ZFP2: variants seen among roughly 807,000 people sequenced by gnomAD.
The protein encoded by ZFP2 is zinc finger protein ZFP2.
ZFP2 carries 33 observed loss-of-function variants against 36.1 expected under a neutral mutation model. That is an observed-to-expected ratio of 0.92 (90% CI 0.69 to 1.22). The LOEUF (loss-of-function observed/expected upper bound fraction) is 1.22, where lower values mean the gene tolerates loss of function less well. ZFP2 is among the 50% of genes most tolerant of loss of function. The pLI is 0.00. For synonymous variants in ZFP2, 170 were observed against 178.0 expected (o/e 0.96, Z 0.36); for missense variants, 522 against 551.4 (o/e 0.95, Z 0.53).
intron 1 of ZFP2, among the ~76,000 whole-genome samples, chr5:178,900,897 T>C (rs188641567): frequency 7.2e-5 from 11 of 152,350 alleles, no homozygotes; most frequent in Admixed American, 7.2e-4. Flanking sequence ...CCTACAGTAT[T>C]GCCCTTTGTA....
intron 1 of ZFP2, 138 bp downstream of exon 1, chr5:178,896,112 T>G (rs889063155): frequency 6.6e-6 from 1 of 152,102 alleles, no homozygotes. Context: ...GGGCCGGGGG[T>G]GCGGCCTCAC....
At chr5:178,927,969 G>T (rs1385299866) in intron 4 of ZFP2, among the ~76,000 whole-genome samples, 1 of 151,736 alleles carries the variant, frequency 6.6e-6, no homozygotes, top group African/African-American at 2.4e-5. Flanking sequence ...CAAAAGGGGA[G>T]CAGGCATATC....
At chr5:178,927,567 G>C (rs1758704531) in intron 4 of ZFP2, among the ~76,000 whole-genome samples, 1 of 150,632 alleles carries the variant, frequency 6.6e-6, no homozygotes, top group Non-Finnish European at 1.5e-5. Context: ...CACAATCTCA[G>C]CTCACTGCAA....
At chr5:178,922,225 CAGTCT>C (rs1481164984) in intron 4 of ZFP2, 1 of 1,074,546 alleles carries the variant, frequency 9.3e-7, no homozygotes. Context: ...TAACTGCTGT[CAGTCT>C]AGTACTATAT....
At chr5:178,911,366 C>G (rs1758294831) in intron 1 of ZFP2, among the ~76,000 whole-genome samples, 4 of 152,068 alleles carry the variant, frequency 2.6e-5, no homozygotes, top group Admixed American at 1.3e-4. Context: ...CTACACAGGC[C>G]CACTTTGATG....
intron 3 of ZFP2, chr5:178,914,126 G>C (rs1028320307): frequency 6.6e-6 from 1 of 152,134 alleles, no homozygotes; most frequent in African/African-American, 2.4e-5. Context: ...AAAGTGCTGA[G>C]ATTACAGGCG....
intron 1 of ZFP2, chr5:178,909,905 G>T: frequency 6.6e-7 from 1 of 1,525,822 alleles, no homozygotes; most frequent in Non-Finnish European, 9.0e-7. Context: ...AAGAGTCCCG[G>T]GAGATGCCCT....
At position 178,931,697 on chromosome 5, in the gene ZFP2, AC is replaced by A; in HGVS notation, c.387del (p.Tyr130IlefsTer42). On this transcript the variant is annotated frameshift_variant, in exon 5 of 5. Transcript: ENST00000361362. LOFTEE classifies it high-confidence loss of function. ...KHQRIHTGEK[P>X]YKCNVCGKHF... ...ACCAGAGGATTCATACTGGGGAGAA[AC>A]CCTATAAGTGTAATGTATGTGGGAA... The A allele has an allele frequency of 6.2e-7, 1 of 1,614,146 alleles. No homozygotes were observed. The highest frequency in any genetic ancestry group is 8.5e-7 in the Non-Finnish European group (1 of 1,180,016).
At chr5:178,903,264 T>C (rs1255789875) in intron 1 of ZFP2, among the ~76,000 whole-genome samples, 1 of 152,250 alleles carries the variant, frequency 6.6e-6, no homozygotes, top group African/African-American at 2.4e-5. Context: ...CTTTCCCATA[T>C]TGGCCAGTGA....
At chr5:178,925,741 T>G (rs1758656222) in intron 4 of ZFP2, among the ~76,000 whole-genome samples, 1 of 149,736 alleles carries the variant, frequency 6.7e-6, no homozygotes, top group Admixed American at 6.7e-5. Context: ...TCTAGTGGGC[T>G]TGGTGTTTCA....
intron 4 of ZFP2, 113 bp from the exon 5 acceptor site, chr5:178,931,124 C>G: frequency 1.7e-6 from 2 of 1,204,958 alleles, no homozygotes; most frequent in Non-Finnish European, 2.2e-6. Flanking sequence ...CTCAAATGTG[C>G]TCAGCAGTTA....
At chr5:178,905,248 C>G (rs1758146518) in intron 1 of ZFP2, among the ~76,000 whole-genome samples, 1 of 152,150 alleles carries the variant, frequency 6.6e-6, no homozygotes, top group Non-Finnish European at 1.5e-5. Flanking sequence ...CTATTCAGAT[C>G]TTTCATTATG....
intron 1 of ZFP2, among the ~76,000 whole-genome samples, chr5:178,905,418 A>G (rs1758148881): frequency 6.6e-6 from 1 of 152,188 alleles, no homozygotes. Context: ...ATCTGAAGAC[A>G]CTTTGCTGCT....
chr5:178,917,186 AG>A (rs1478013084), intron 4 of ZFP2, among the ~76,000 whole-genome samples: 1 of 152,268 alleles, frequency 6.6e-6, no homozygotes, highest in Admixed American at 6.5e-5. Context: ...ATAAAAATTA[AG>A]AACATGAATA....
chr5:178,926,424 C>T (rs1172394575), intron 4 of ZFP2, among the ~76,000 whole-genome samples: 1 of 152,138 alleles, frequency 6.6e-6, no homozygotes, highest in South Asian at 2.1e-4. Flanking sequence ...ATACATAGCA[C>T]CTTAAATGTT....
Position 178,899,953 on chromosome 5 carries a change from T to A in ZFP2, c.-450+3979T>A, listed in dbSNP as rs143256086. Reference sequence around the variant, plus strand: ...TCGTGGAGGCAAGTATAAACTGTTGTGATTTCCATTTGTACTGCTTTCTTC... The same window carrying A: ...TCGTGGAGGCAAGTATAAACTGTTGAGATTTCCATTTGTACTGCTTTCTTC... On this transcript the variant is annotated intron_variant, in intron 1 of 4. Coordinates refer to ENST00000361362, the MANE Select transcript of ZFP2 (RefSeq NM_030613.4). 4.0e-3 allele frequency among the ~76,000 whole-genome samples: 613 copies of A among 152,284 alleles called. 3 individuals are homozygous for A. The highest frequency in any genetic ancestry group is 0.017 in the Middle Eastern group (5 of 294).
chr5:178,930,789 T>G (rs1758811574), intron 4 of ZFP2, among the ~76,000 whole-genome samples: 1 of 152,210 alleles, frequency 6.6e-6, no homozygotes, highest in Non-Finnish European at 1.5e-5. Context: ...AAGATTAATT[T>G]GGTGTAGGAT....
At position 178,932,251 on chromosome 5, in the gene ZFP2, T is replaced by G. The variant is rs759635238; in HGVS notation, c.938T>G (p.Leu313Arg). ...CGKSFSQSTY[L>R]IEHQRLHSGV... ...AAATCCTTTAGCCAAAGTACATATCTTATAGAACATCAGAGACTTCATTCT... is the reference window on the plus strand; with the variant it reads ...AAATCCTTTAGCCAAAGTACATATCGTATAGAACATCAGAGACTTCATTCT... Residue 313 changes from leucine (L) to arginine (R), a missense_variant, in exon 5 of 5, where the codon CTT becomes CGT. Physicochemically the swap from Leu to Arg is moderately radical, Grantham distance 102. Transcript: ENST00000361362. 37 of 1,614,178 alleles carry G rather than the reference T, an allele frequency of 2.3e-5. 1 individual carries two copies. The highest frequency in any genetic ancestry group is 2.5e-5 in the Non-Finnish European group (29 of 1,180,024).
chr5:178,928,280 T>G (rs184409748), intron 4 of ZFP2, among the ~76,000 whole-genome samples: 3 of 152,174 alleles, frequency 2.0e-5, no homozygotes, highest in African/African-American at 7.2e-5. Context: ...AATACAATCT[T>G]GCCTTTCCAC....
Sources: gnomAD v4.1 joint callset for allele counts (sites outside exome capture counted in the v4.1 genomes callset) on GRCh38, gnomAD v4.1.1 for gene constraint, MANE v1.5 for transcripts, NCBI Gene and HGNC (gene_info 2026-07-23, HGNC 2026-07-21) for gene names.